Variants in CEBPZOS observed in about 807,000 individuals in gnomAD.
CEBPZOS encodes the protein CEBPZ opposite strand.
CEBPZOS carries 10 observed loss-of-function variants against 4.8 expected under a neutral mutation model. The observed-to-expected ratio is 2.07, with a 90% CI of 1.28 to 3.52. The LOEUF (loss-of-function observed/expected upper bound fraction) is 3.52, where lower values mean the gene tolerates loss of function less well. Among genes scored for constraint, CEBPZOS ranks in the 30% most tolerant of loss-of-function variants. The probability of loss-of-function intolerance (pLI) is 0.00; values close to 1 mark genes in which losing one functional copy is unlikely to be tolerated. For missense variants in CEBPZOS, 98 were observed against 43.6 expected (o/e 2.25, Z -3.51); for synonymous variants, 25 against 14.2 (o/e 1.77, Z -1.72).
In CEBPZOS at chr2:37,202,699, ATAAAAT is replaced by A; in HGVS notation, c.*840_*845del. The A allele has an allele frequency of 3.6e-6, 1 of 277,782 alleles. No individual in the cohort carries two copies. The highest frequency in any genetic ancestry group is 5.9e-5 in the South Asian group (1 of 16,816). The allele number at this position is 277,782 out of a possible 1,614,324, so 17.2% of individuals were successfully genotyped here. A position where few individuals can be genotyped will look rare whatever the true frequency, so the allele number is the denominator to read the frequency against. ...AAAAAAAAAAAAAAAAAAAGAATAAATAAAATAACGAAAATTTCCTATCTTCTGAAG... is the reference window on the plus strand; with the variant it reads ...AAAAAAAAAAAAAAAAAAAGAATAAAAACGAAAATTTCCTATCTTCTGAAG... On this transcript the variant is annotated 3_prime_UTR_variant, in exon 5 of 5. Coordinates refer to ENST00000402297, the MANE Select transcript of CEBPZOS (RefSeq NM_001322374.2).
chr2:37,206,289 T>C (rs536953111), downstream of CEBPZOS, among the ~76,000 whole-genome samples: 13 of 152,332 alleles, frequency 8.5e-5, no homozygotes, highest in African/African-American at 1.9e-4. Context: ...AGGAGAGATA[T>C]CTATGCTGAG....
chr2:37,201,881 C>T lies in CEBPZOS; in HGVS notation c.*21C>T, dbSNP rs200577959. 60 of 1,613,730 alleles carry T rather than the reference C, an allele frequency of 3.7e-5. No individual in the cohort carries two copies. In the Middle Eastern group the frequency reaches 1.8e-3, roughly 49 times the overall value. ...TGTGTAGCCAGTCATCACGTTCAGC[C>T]TCCCATCTAAGCTGTTTGAGACCTT... is the stretch of plus-strand genomic sequence containing the variant. On this transcript the variant is annotated 3_prime_UTR_variant, in exon 5 of 5. Transcript: ENST00000402297.
rs971948449 is a variant in CEBPZOS, at chr2:37,203,657, A to G, written c.*1797A>G. On this transcript the variant is annotated 3_prime_UTR_variant, in exon 5 of 5. Transcript: ENST00000402297. ...TTTGGTAAATTTACAGACTTGTTCA[A>G]CCACAACCACAGTCTGATTTTAGAA... 6 of 152,242 alleles carry G rather than the reference A, an allele frequency of 3.9e-5. No homozygotes were observed. Among genetic ancestry groups the G allele is most frequent in the Non-Finnish European group, 7.3e-5 (5 of 68,046 alleles). 9.4% of individuals were successfully genotyped at this position (152,242 alleles called of 1,614,324 possible).
chr2:37,208,402 A>G (rs1677609337), downstream of CEBPZOS, among the ~76,000 whole-genome samples: 1 of 152,174 alleles, frequency 6.6e-6, no homozygotes, highest in Admixed American at 6.5e-5. Context: ...TCAACAAAAT[A>G]CTAGCTAACC....
chr2:37,213,739 T>G (rs116282693), downstream of CEBPZOS: 2,683 of 640,162 alleles, frequency 4.2e-3, 9 homozygotes, highest in Non-Finnish European at 5.7e-3. Flanking sequence ...TCTTCCACTG[T>G]GATTTGCATG....
chr2:37,206,212 G>A (rs1677534516), downstream of CEBPZOS, among the ~76,000 whole-genome samples: 1 of 152,208 alleles, frequency 6.6e-6, no homozygotes, highest in South Asian at 2.1e-4. Flanking sequence ...TGGATGGACA[G>A]AACAGCGTGT....
chr2:37,196,907 C>T (rs1676969661), intron 1 of CEBPZOS, among the ~76,000 whole-genome samples: 1 of 152,218 alleles, frequency 6.6e-6, no homozygotes, highest in African/African-American at 2.4e-5. Flanking sequence ...AAGTCGTCCT[C>T]TGCACAGCTA....
intron 4 of CEBPZOS, chr2:37,210,959 T>A (rs763010341): frequency 1.4e-6 from 2 of 1,440,118 alleles, no homozygotes; most frequent in Admixed American, 3.7e-5. Context: ...ACCTTTCACA[T>A]GGACACTGCT....
rs1452340630 is a variant in CEBPZOS, at chr2:37,203,931, T to G, written c.*2071T>G. 4 of 152,358 alleles carry G rather than the reference T, an allele frequency of 2.6e-5. No homozygotes were observed. Among genetic ancestry groups the G allele is most frequent in the African/African-American group, 9.6e-5 (4 of 41,582 alleles). 9.4% of individuals were successfully genotyped at this position (152,358 alleles called of 1,614,324 possible). ...GTATGGATATACCACATTTTGCTTA[T>G]CAGTTAATGGACATTTAGGTTTTGT... On this transcript the variant is annotated 3_prime_UTR_variant, in exon 5 of 5. Coordinates refer to ENST00000402297, the MANE Select transcript of CEBPZOS (RefSeq NM_001322374.2).
intron 1 of CEBPZOS, 144 bp from the exon 2 acceptor site, chr2:37,199,560 C>T (rs962429719): frequency 2.9e-5 from 14 of 481,974 alleles, no homozygotes; most frequent in Non-Finnish European, 4.9e-5. Flanking sequence ...ATGTCTAAAC[C>T]AAAAAAGTAT....
intron 1 of CEBPZOS, among the ~76,000 whole-genome samples, chr2:37,198,223 C>CT (rs751733131): frequency 6.6e-6 from 1 of 152,182 alleles, no homozygotes; most frequent in Non-Finnish European, 1.5e-5. Flanking sequence ...GACTTACTTT[C>CT]TGTCAGTCAT....
At chr2:37,213,656 T>A in exon 5 of CEBPZOS, 1 of 435,868 alleles carries the variant, frequency 2.3e-6, no homozygotes, top group South Asian at 2.6e-5. Flanking sequence ...TCAAACAATC[T>A]TCCTGCCTCG....
At chr2:37,200,674 A>G (rs534605172) in intron 2 of CEBPZOS, among the ~76,000 whole-genome samples, 17 of 139,734 alleles carry the variant, frequency 1.2e-4, no homozygotes, top group Non-Finnish European at 2.3e-4. Context: ...AAAAAAAAAA[A>G]GTGCTGGGCA....
chr2:37,211,745 A>C, intron 4 of CEBPZOS: 1 of 831,590 alleles, frequency 1.2e-6, no homozygotes, highest in Non-Finnish European at 1.8e-6. Context: ...TATTAATTTG[A>C]ATACAGGGCT....
At chr2:37,211,330 T>C (rs1341283742) in intron 4 of CEBPZOS, 1 of 331,154 alleles carries the variant, frequency 3.0e-6, no homozygotes, top group Admixed American at 4.7e-5. Flanking sequence ...GACCAAATAA[T>C]ATAAAACCCC....
At chr2:37,198,357 G>A (rs1443867270) in intron 1 of CEBPZOS, 4 of 152,040 alleles carry the variant, frequency 2.6e-5, no homozygotes, top group Non-Finnish European at 4.4e-5. Flanking sequence ...GAATAATAAA[G>A]TTTTAATCTT....
At position 37,201,695 on chromosome 2, in the gene CEBPZOS, C is replaced by G. The variant is rs1299896072; in HGVS notation, c.214C>G (p.Gln72Glu). Residue 72 changes from glutamine to glutamate, a missense_variant, in exon 4 of 5, where the codon CAA becomes GAA. Gln to Glu is a conservative substitution (Grantham distance 29, BLOSUM62 2). Transcript: ENST00000402297. ...AATGTATGGAATCAGAGAGCTAGAT[C>G]AAAAAACATGGTTGAACAGCAAAAA... ...SGMYGIRELD[Q>E]KTWLNSKN 1 of 967,056 alleles carries G rather than the reference C, an allele frequency of 1.0e-6. No homozygotes were observed. The highest frequency in any genetic ancestry group is 2.6e-5 in the East Asian group (1 of 38,318). 59.9% of individuals were successfully genotyped at this position (967,056 alleles called of 1,614,324 possible).
At chr2:37,206,584 C>G (rs1677547136), downstream of CEBPZOS, among the ~76,000 whole-genome samples, 1 of 152,164 alleles carries the variant, frequency 6.6e-6, no homozygotes, top group South Asian at 2.1e-4. Flanking sequence ...TCTTGAACTC[C>G]TGACTTCAGG....
In CEBPZOS at chr2:37,204,577, T is replaced by C. The variant is rs1558466423; in HGVS notation, c.*2717T>C. 6.6e-6 allele frequency: 1 copy of C among 152,240 alleles called. No homozygotes were observed. Among genetic ancestry groups the C allele is most frequent in the Non-Finnish European group, 1.5e-5 (1 of 68,120 alleles). The allele number at this position is 152,240 out of a possible 1,614,324, so 9.4% of individuals were successfully genotyped here. A position where few individuals can be genotyped will look rare whatever the true frequency, so the allele number is the denominator to read the frequency against. ...AGGCGTGAGCCACTGCGCCCAGCCA[T>C]TTTTGATTTTTTGTAGAGATGGGGT... is the stretch of plus-strand genomic sequence containing the variant. On this transcript the variant is annotated 3_prime_UTR_variant, in exon 5 of 5. Coordinates refer to ENST00000402297, the MANE Select transcript of CEBPZOS (RefSeq NM_001322374.2).
Sources: allele counts gnomAD v4.1 joint callset (sites outside exome capture counted in the v4.1 genomes callset), GRCh38; gene constraint gnomAD v4.1.1; transcripts MANE v1.5; gene names NCBI Gene and HGNC (gene_info 2026-07-23, HGNC 2026-07-21).